The following CEMIP variants were observed in gnomAD, a reference collection of about 807,000 sequenced individuals.
CEMIP encodes the protein cell migration-inducing and hyaluronan-binding protein.
CEMIP carries 105 observed loss-of-function variants against 156.9 expected under a neutral mutation model. The observed-to-expected ratio is 0.67, with a 90% CI of 0.57 to 0.79. CEMIP has a LOEUF of 0.79. Among genes scored for constraint, CEMIP ranks in the 30% least tolerant of loss-of-function variants. CEMIP has a pLI of 0.00. For synonymous variants in CEMIP, 676 were observed against 668.4 expected, an observed-to-expected ratio of 1.01 and a Z score of -0.17; for missense variants, 1,457 against 1,769.4, an observed-to-expected ratio of 0.82 and a Z score of 3.17.
chr15:80,806,748 T>C (rs977926217), intron 1 of CEMIP, among the ~76,000 whole-genome samples: 4 of 152,236 alleles, frequency 2.6e-5, no homozygotes, highest in African/African-American at 9.6e-5. Context: ...TGCCACACTT[T>C]ATGCATAGCG....
At chr15:80,815,426 C>T (rs905741681) in intron 1 of CEMIP, among the ~76,000 whole-genome samples, 33 of 152,196 alleles carry the variant, frequency 2.2e-4, no homozygotes, top group African/African-American at 6.8e-4. Context: ...GAATACTTTC[C>T]AGATTGTTTG....
intron 13 of CEMIP, 99 bp from the exon 14 acceptor site, chr15:80,908,998 C>A: frequency 8.7e-7 from 1 of 1,152,890 alleles, no homozygotes; most frequent in Non-Finnish European, 1.3e-6. Flanking sequence ...TGGAGACTGA[C>A]AAAGAACAAT....
At chr15:80,854,235 A>C (rs941323590) in intron 1 of CEMIP, among the ~76,000 whole-genome samples, 1 of 152,268 alleles carries the variant, frequency 6.6e-6, no homozygotes, top group East Asian at 1.9e-4. Flanking sequence ...AACACGGCCG[A>C]CTAGAGCTGA....
intron 1 of CEMIP, among the ~76,000 whole-genome samples, chr15:80,787,376 C>T (rs1053259178): frequency 8.5e-5 from 13 of 152,238 alleles, no homozygotes; most frequent in Non-Finnish European, 1.5e-4. Flanking sequence ...GGCCCCCTGG[C>T]AGATGGGTTT....
chr15:80,902,292 T>G (rs61590277), intron 12 of CEMIP, among the ~76,000 whole-genome samples: 8,858 of 152,248 alleles, frequency 0.058, 817 homozygotes, highest in African/African-American at 0.2. Context: ...TTCCCAGGCC[T>G]CCTCCCCGCT....
chr15:80,890,659 T>TAAAAATAGCTACCCC (rs1160787711), intron 10 of CEMIP, among the ~76,000 whole-genome samples: 1 of 151,474 alleles, frequency 6.6e-6, no homozygotes, highest in Non-Finnish European at 1.5e-5. Context: ...CTTCAGCCAA[T>TAAAAATAGCTACCCC]AAAAATAGCT....
At chr15:80,948,614 T>C (rs1276881973) in intron 29 of CEMIP, 183 bp from the exon 30 acceptor site, 10 of 798,788 alleles carry the variant, frequency 1.3e-5, no homozygotes, top group Non-Finnish European at 2.1e-5. Flanking sequence ...GCCTGCCCCA[T>C]ACAAACACAT....
rs1898588755 is a variant in CEMIP, at chr15:80,879,861, A to G, written c.380+7A>G. On this transcript the variant is annotated splice_region_variant and intron_variant, in intron 5 of 29. Coordinates refer to ENST00000394685, the MANE Select transcript of CEMIP (RefSeq NM_001293298.2). ...CCATCATTTTGTATGGAAGGTGCGTAGACCACTCCTACAGATCAAATGCTA... is the reference window on the plus strand; with the variant it reads ...CCATCATTTTGTATGGAAGGTGCGTGGACCACTCCTACAGATCAAATGCTA... 1.2e-6 allele frequency: 2 copies of G among 1,614,076 alleles called. No homozygotes were observed. Among genetic ancestry groups the G allele is most frequent in the Non-Finnish European group, 1.7e-6 (2 of 1,179,986 alleles).
intron 21 of CEMIP, among the ~76,000 whole-genome samples, chr15:80,931,164 C>G (rs1426036341): frequency 6.6e-6 from 1 of 152,224 alleles, no homozygotes; most frequent in African/African-American, 2.4e-5. Flanking sequence ...GTCTCAGGGC[C>G]TTCTTGGGGT....
intron 6 of CEMIP, among the ~76,000 whole-genome samples, chr15:80,882,638 T>C (rs1034768488): frequency 6.6e-6 from 1 of 152,230 alleles, no homozygotes; most frequent in African/African-American, 2.4e-5. Context: ...GCTGTAGAGA[T>C]GGCAAGGACA....
intron 1 of CEMIP, among the ~76,000 whole-genome samples, chr15:80,782,696 T>C (rs1213509778): frequency 6.6e-6 from 1 of 152,214 alleles, no homozygotes; most frequent in East Asian, 1.9e-4. Context: ...TTCTCCTCCT[T>C]CTGCTCTTAA....
In CEMIP at chr15:80,848,926, A is replaced by ACACACACACACC. The variant is rs374603705; in HGVS notation, c.-175-24611_-175-24610insACACACACACCC. Reference sequence around the variant, plus strand: ...CACACACACACACACACACACACACACCCTGGCTTCAGGGATCTCTTTAGA... The same window carrying ACACACACACACC: ...CACACACACACACACACACACACACACACACACACACCCCCTGGCTTCAGGGATCTCTTTAGA... On this transcript the variant is annotated intron_variant, in intron 1 of 29. Transcript: ENST00000394685. Among the ~76,000 whole-genome samples, 76 of 131,184 alleles carry ACACACACACACC rather than the reference A, an allele frequency of 5.8e-4. 1 individual carries two copies. Among genetic ancestry groups the ACACACACACACC allele is most frequent in the African/African-American group, 2.1e-3 (71 of 33,738 alleles). 86.1% of individuals were successfully genotyped at this position (131,184 alleles called of 152,430 possible). A position where few individuals can be genotyped will look rare whatever the true frequency, so the allele number is the denominator to read the frequency against.
chr15:80,938,329 C>A, intron 25 of CEMIP: 2 of 288,154 alleles, frequency 6.9e-6, no homozygotes, highest in South Asian at 6.5e-5. Context: ...AAGAGATGGG[C>A]AGCTGGGTGT....
At chr15:80,866,181 TC>T (rs981414984) in intron 1 of CEMIP, among the ~76,000 whole-genome samples, 1 of 152,058 alleles carries the variant, frequency 6.6e-6, no homozygotes, top group African/African-American at 2.4e-5. Flanking sequence ...ATAGGGCGAG[TC>T]CGTGAGGGTG....
chr15:80,895,818 T>C, intron 11 of CEMIP, 51 bp from the exon 12 acceptor site: 3 of 1,589,456 alleles, frequency 1.9e-6, no homozygotes, highest in Non-Finnish European at 2.6e-6. Flanking sequence ...TAGCCAAAAG[T>C]TTGCCAAGAG....
At chr15:80,925,580 C>A (rs1378178185) in intron 18 of CEMIP, 44 bp from the exon 19 acceptor site, 2 of 1,605,438 alleles carry the variant, frequency 1.2e-6, no homozygotes, top group Admixed American at 3.3e-5. Flanking sequence ...CAGAGGCGTG[C>A]CCCCAACACC....
At chr15:80,848,014 T>C (rs1437702922) in intron 1 of CEMIP, among the ~76,000 whole-genome samples, 2 of 152,218 alleles carry the variant, frequency 1.3e-5, no homozygotes, top group African/African-American at 4.8e-5. Flanking sequence ...AAGAGGACTT[T>C]ATCCTCAAGA....
chr15:80,847,096 G>A (rs1897580536), intron 1 of CEMIP, among the ~76,000 whole-genome samples: 2 of 152,200 alleles, frequency 1.3e-5, no homozygotes, highest in Admixed American at 1.3e-4. Context: ...AGGCTGGAGT[G>A]CAGTGGCACA....
At chr15:80,908,181 T>A (rs565468493) in intron 13 of CEMIP, among the ~76,000 whole-genome samples, 1 of 152,312 alleles carries the variant, frequency 6.6e-6, no homozygotes, top group African/African-American at 2.4e-5. Flanking sequence ...TCATTAGTGA[T>A]ACTAAAGCAG....
Sources: gnomAD v4.1 joint callset for allele counts (sites outside exome capture counted in the v4.1 genomes callset) on GRCh38, gnomAD v4.1.1 for gene constraint, MANE v1.5 for transcripts, NCBI Gene and HGNC (gene_info 2026-07-23, HGNC 2026-07-21) for gene names.